The following TTBK2 variants were observed in gnomAD, a reference collection of about 807,000 sequenced individuals.
The protein encoded by TTBK2 is tau-tubulin kinase 2.
Under a neutral mutation model 110.8 loss-of-function variants are expected in TTBK2, and 28 were observed. That is an observed-to-expected ratio of 0.25 (90% CI 0.19 to 0.35). The LOEUF (loss-of-function observed/expected upper bound fraction) is 0.35, where lower values mean the gene tolerates loss of function less well. TTBK2 is among the 10% of genes least tolerant of loss of function. TTBK2 has a pLI of 1.00. For missense variants in TTBK2, 1,369 were observed against 1,500.3 expected, an observed-to-expected ratio of 0.91 and a Z score of 1.45; for synonymous variants, 532 against 527.3, an observed-to-expected ratio of 1.01 and a Z score of -0.12.
At chr15:42,815,931 A>AGT (rs1891942622) in intron 7 of TTBK2, among the ~76,000 whole-genome samples, 1 of 50,542 alleles carries the variant, frequency 2.0e-5, no homozygotes, top group African/African-American at 9.4e-5. Context: ...TATATTTAAA[A>AGT]ATATATATAT....
At chr15:42,799,908 G>C (rs1311187712) in intron 9 of TTBK2, among the ~76,000 whole-genome samples, 1 of 151,916 alleles carries the variant, frequency 6.6e-6, no homozygotes, top group Admixed American at 6.6e-5. Context: ...TACAGCCTAG[G>C]CAACACGGTG....
At chr15:42,782,616 T>G (rs1890224970) in intron 11 of TTBK2, among the ~76,000 whole-genome samples, 1 of 152,228 alleles carries the variant, frequency 6.6e-6, no homozygotes, top group African/African-American at 2.4e-5. Context: ...AATATTTAGC[T>G]TAATGCTTTA....
At chr15:42,770,077 G>A (rs1483835985) in intron 13 of TTBK2, among the ~76,000 whole-genome samples, 1 of 143,220 alleles carries the variant, frequency 7.0e-6, no homozygotes, top group Non-Finnish European at 1.5e-5. Flanking sequence ...ACAGGGTGGG[G>A]AACATCACAC....
At chr15:42,848,414 C>T (rs1264973220) in intron 3 of TTBK2, among the ~76,000 whole-genome samples, 1 of 151,848 alleles carries the variant, frequency 6.6e-6, no homozygotes, top group Non-Finnish European at 1.5e-5. Context: ...ATATGGTATG[C>T]CTCTCCATTT....
At chr15:42,909,112 G>A in intron 1 of TTBK2, among the ~76,000 whole-genome samples, 1 of 152,126 alleles carries the variant, frequency 6.6e-6, no homozygotes, top group Non-Finnish European at 1.5e-5. Flanking sequence ...CTGTTTTGTT[G>A]TTGTTGTTGC....
At chr15:42,862,414 T>C (rs1394229001) in intron 3 of TTBK2, among the ~76,000 whole-genome samples, 1 of 152,180 alleles carries the variant, frequency 6.6e-6, no homozygotes, top group Non-Finnish European at 1.5e-5. Flanking sequence ...ATTCTTGGGA[T>C]GCACAGTTGG....
At chr15:42,778,375 A>C (rs894978971) in intron 11 of TTBK2, among the ~76,000 whole-genome samples, 2 of 152,094 alleles carry the variant, frequency 1.3e-5, no homozygotes, top group Non-Finnish European at 2.9e-5. Context: ...AATAAAAAAC[A>C]GCAAGATAGG....
intron 1 of TTBK2, among the ~76,000 whole-genome samples, chr15:42,893,479 G>C (rs1259032522): frequency 6.6e-6 from 1 of 151,952 alleles, no homozygotes; most frequent in East Asian, 1.9e-4. Context: ...CTAGGTGACA[G>C]AGATGCTGTC....
Position 42,912,484 on chromosome 15 carries a change from G to A in TTBK2, c.-68+7954C>T, listed in dbSNP as rs138727624. ...CACTTTGGGAGGCCCCAAGGTGGGT[G>A]GATCACCTGAGGTCAGGAGTTCAAG... On this transcript the variant is annotated intron_variant, in intron 1 of 14. Transcript: ENST00000267890. Among the ~76,000 whole-genome samples the A allele has an allele frequency of 9.9e-5, 15 of 151,780 alleles. No homozygotes were observed. In the East Asian group the frequency reaches 2.2e-3, roughly 22 times the overall value.
At chr15:42,801,529 C>T in intron 9 of TTBK2, 2 of 766,974 alleles carry the variant, frequency 2.6e-6, no homozygotes, top group East Asian at 2.5e-5. Flanking sequence ...CATCCCCATG[C>T]TTCTGACCCA....
At chr15:42,770,085 C>A (rs973278864) in intron 13 of TTBK2, among the ~76,000 whole-genome samples, 1 of 130,916 alleles carries the variant, frequency 7.6e-6, no homozygotes, top group Admixed American at 7.8e-5. Context: ...GGGAACATCA[C>A]ACACCAGGGC....
In TTBK2 at chr15:42,894,131, T is replaced by C. The variant is rs534535929; in HGVS notation, c.-67-15447A>G. ...GATCTGATGGTTTTATAAAAGGCAG[T>C]TCCCCTGCACACGCTCTCTTGCCTG... On this transcript the variant is annotated intron_variant, in intron 1 of 14. Transcript: ENST00000267890. Among the ~76,000 whole-genome samples the C allele has an allele frequency of 7.2e-4, 109 of 152,232 alleles. 1 individual carries two copies. Among genetic ancestry groups the C allele is most frequent in the Non-Finnish European group, 5.9e-5 (4 of 68,012 alleles).
chr15:42,886,398 T>C (rs919995815), intron 1 of TTBK2, among the ~76,000 whole-genome samples: 7 of 152,328 alleles, frequency 4.6e-5, no homozygotes, highest in South Asian at 2.1e-4. Context: ...TGCTCCTTTT[T>C]TCTTTATCTG....
intron 3 of TTBK2, among the ~76,000 whole-genome samples, chr15:42,842,961 T>C (rs995593671): frequency 6.6e-6 from 1 of 152,168 alleles, no homozygotes; most frequent in African/African-American, 2.4e-5. Context: ...GATAAAATGA[T>C]GGTCATTAGC....
intron 13 of TTBK2, among the ~76,000 whole-genome samples, chr15:42,767,495 T>C (rs1377464480): frequency 6.6e-6 from 1 of 152,066 alleles, no homozygotes; most frequent in Admixed American, 6.6e-5. Context: ...TCTATGCAAA[T>C]AAACTAGAAA....
chr15:42,880,380 T>C (rs1426695600), intron 1 of TTBK2, among the ~76,000 whole-genome samples: 2 of 152,102 alleles, frequency 1.3e-5, no homozygotes, highest in Non-Finnish European at 2.9e-5. Flanking sequence ...AGACCAGCAG[T>C]TTCTTTTCTT....
chr15:42,855,655 T>G (rs1052463513), intron 3 of TTBK2, among the ~76,000 whole-genome samples: 35 of 152,320 alleles, frequency 2.3e-4, no homozygotes, highest in East Asian at 2.1e-3. Context: ...ACTGGTCATA[T>G]AAGGCCACAA....
At chr15:42,879,007 C>T (rs559429493) in intron 1 of TTBK2, among the ~76,000 whole-genome samples, 1 of 152,238 alleles carries the variant, frequency 6.6e-6, no homozygotes, top group Admixed American at 6.5e-5. Context: ...ATCCTGAGAA[C>T]AATATACTGC....
intron 1 of TTBK2, among the ~76,000 whole-genome samples, chr15:42,887,602 A>G (rs550979921): frequency 1.3e-5 from 2 of 152,288 alleles, no homozygotes; most frequent in South Asian, 4.1e-4. Context: ...CTTACAGGTT[A>G]GTCCAGGATC....
Sources: gnomAD v4.1 joint callset for allele counts (sites outside exome capture counted in the v4.1 genomes callset) on GRCh38, gnomAD v4.1.1 for gene constraint, MANE v1.5 for transcripts, NCBI Gene and HGNC (gene_info 2026-07-23, HGNC 2026-07-21) for gene names.